Variants in DYNC2H1 observed in about 807,000 individuals in gnomAD.
The protein encoded by DYNC2H1 is dynein cytoplasmic 2 heavy chain 1.
DYNC2H1 carries 410 observed loss-of-function variants against 570.0 expected under a neutral mutation model. That is an observed-to-expected ratio of 0.72 (90% CI 0.66 to 0.78). DYNC2H1 has a LOEUF of 0.78. DYNC2H1 is among the 30% of genes least tolerant of loss of function. DYNC2H1 has a pLI of 0.00. For synonymous variants in DYNC2H1, 1,688 were observed against 1,677.6 expected (o/e 1.01, Z -0.15); for missense variants, 4,865 against 5,046.4 (o/e 0.96, Z 1.09).
intron 47 of DYNC2H1, among the ~76,000 whole-genome samples, chr11:103,194,318 A>G (rs1862432897): frequency 1.3e-5 from 2 of 151,316 alleles, no homozygotes; most frequent in African/African-American, 2.4e-5. Flanking sequence ...CCCTTTATCT[A>G]CTGAAAGACA....
At position 103,439,994 on chromosome 11, in the gene DYNC2H1, G is replaced by C. The variant is rs1040230287; in HGVS notation, c.12456+3962G>C. Among the ~76,000 whole-genome samples the C allele has an allele frequency of 5.9e-5, 9 of 152,002 alleles. No homozygotes were observed. Among genetic ancestry groups the C allele is most frequent in the African/African-American group, 2.2e-4 (9 of 41,382 alleles). ...TACAGCAGTATATTCTGATTCTTCT[G>C]TGATGATCATTCTAAATTCTAGCGT... On this transcript the variant is annotated intron_variant, in intron 85 of 88. Transcript: ENST00000375735. This position sits in a 1 kb window ranked among gnomAD's most constrained non-coding sequence, Gnocchi z 4.1.
At position 103,116,598 on chromosome 11, in the gene DYNC2H1, T is replaced by C; in HGVS notation, c.650T>C (p.Leu217Ser). 1 of 1,608,108 alleles carries C rather than the reference T, an allele frequency of 6.2e-7. No homozygotes were observed. Among genetic ancestry groups the C allele is most frequent in the East Asian group, 2.2e-5 (1 of 44,608 alleles). ...TTTTATAACTTGGACAGTCTATCCT[T>C]ACTAGAAGTTGTTGACTTGGTGGAG... ...REFYNLDSLS[L>S]LEVVDLVETT... The change falls in exon 5 of 89, where the codon TTA (leucine) becomes TCA (serine). Residue 217 changes from leucine (L) to serine (S), a missense_variant. Physicochemically the swap from Leu to Ser is moderately radical, Grantham distance 145. This residue lies in a region of DYNC2H1 where 1,936 missense variants were observed against 1,962.1 expected (regional missense o/e 0.99). Coordinates refer to ENST00000375735, the MANE Select transcript of DYNC2H1 (RefSeq NM_001377.3).
At chr11:103,391,160 A>G (rs549179626) in intron 83 of DYNC2H1, among the ~76,000 whole-genome samples, 1 of 152,048 alleles carries the variant, frequency 6.6e-6, no homozygotes, top group South Asian at 2.1e-4. Flanking sequence ...TGGTCTTTTC[A>G]CATAGTCCCA....
rs2135088528 is a variant in DYNC2H1 at position 103,201,776 on chromosome 11, T to C, written c.8197+1622T>C. On this transcript the variant is annotated intron_variant, in intron 50 of 88. Transcript: ENST00000375735. The surrounding 1 kb of genome is among the most constrained non-coding windows in gnomAD (Gnocchi z 4.8). ...ATTTCTTCCTTTTTTTTGAAGAATT[T>C]ATGAAGTTTGTTAGAATATTTCTAT... Among the ~76,000 whole-genome samples the C allele has an allele frequency of 6.6e-6, 1 of 152,174 alleles. No homozygotes were observed. Among genetic ancestry groups the C allele is most frequent in the East Asian group, 1.9e-4 (1 of 5,198 alleles).
chr11:103,330,812 G>C (rs1219088230), intron 82 of DYNC2H1, among the ~76,000 whole-genome samples: 1 of 152,044 alleles, frequency 6.6e-6, no homozygotes, highest in Non-Finnish European at 1.5e-5. Context: ...GGCACCAGCA[G>C]AGTCAGACAC....
At chr11:103,207,444 A>C (rs1339007009) in intron 52 of DYNC2H1, among the ~76,000 whole-genome samples, 2 of 152,114 alleles carry the variant, frequency 1.3e-5, no homozygotes, top group African/African-American at 4.8e-5. Flanking sequence ...ATTTGTGATA[A>C]CAGGAAAGAA....
intron 20 of DYNC2H1, among the ~76,000 whole-genome samples, 191 bp downstream of exon 20, chr11:103,148,808 C>A (rs1860376938): frequency 6.6e-6 from 1 of 152,014 alleles, no homozygotes; most frequent in Non-Finnish European, 1.5e-5. Flanking sequence ...CCTGTAATCT[C>A]AGTACTTTGG....
intron 37 of DYNC2H1, 83 bp downstream of exon 37, chr11:103,176,517 A>C (rs1186899797): frequency 8.9e-7 from 1 of 1,118,618 alleles, no homozygotes; most frequent in Non-Finnish European, 1.2e-6. Flanking sequence ...TTCATCTTTC[A>C]ACTTATCTTT....
intron 59 of DYNC2H1, among the ~76,000 whole-genome samples, chr11:103,229,182 G>A (rs546642826): frequency 3.3e-5 from 5 of 152,286 alleles, no homozygotes; most frequent in Admixed American, 1.3e-4. Flanking sequence ...GAAAGCAAGC[G>A]GACTTAAGTT....
Position 103,352,203 on chromosome 11 carries a change from C to G in DYNC2H1, c.12040-6040C>G, listed in dbSNP as rs371851040. 2.6e-5 allele frequency among the ~76,000 whole-genome samples: 4 copies of G among 152,046 alleles called. No individual in the cohort carries two copies. The East Asian group carries it at 5.8e-4, about 22-fold the overall frequency. On this transcript the variant is annotated intron_variant, in intron 82 of 88. Transcript: ENST00000375735. Reference sequence around the variant, plus strand: ...TTTATTAGTCTTTTCAGTGAACCAACTTTTGGCTTTTTAAAAACTCTGATC... The same window carrying G: ...TTTATTAGTCTTTTCAGTGAACCAAGTTTTGGCTTTTTAAAAACTCTGATC...
rs377488622 is a variant in DYNC2H1, at chr11:103,278,809, C to T, written c.10696-1539C>T. On this transcript the variant is annotated intron_variant, in intron 70 of 88. Coordinates refer to ENST00000375735, the MANE Select transcript of DYNC2H1 (RefSeq NM_001377.3). Reference sequence around the variant, plus strand: ...CTCGAACTCCTGACCTCAGGTGATCCGCCTGCCTTGGCCTCCCAAATTGCT... The same window carrying T: ...CTCGAACTCCTGACCTCAGGTGATCTGCCTGCCTTGGCCTCCCAAATTGCT... Among the ~76,000 whole-genome samples, 410 of 152,070 alleles carry T rather than the reference C, an allele frequency of 2.7e-3. 2 individuals carry two copies. Among genetic ancestry groups the T allele is most frequent in the African/African-American group, 9.4e-3 (389 of 41,480 alleles).
intron 75 of DYNC2H1, among the ~76,000 whole-genome samples, chr11:103,297,712 A>C (rs1344048776): frequency 6.6e-6 from 1 of 152,136 alleles, no homozygotes; most frequent in Non-Finnish European, 1.5e-5. Flanking sequence ...TATGCAGCTC[A>C]TGTAATTCTT....
intron 82 of DYNC2H1, among the ~76,000 whole-genome samples, chr11:103,350,573 T>C (rs961977153): frequency 3.9e-5 from 6 of 152,206 alleles, no homozygotes; most frequent in Admixed American, 2.0e-4. Flanking sequence ...ATTAGTTGGC[T>C]TGGCCTGCTA....
intron 15 of DYNC2H1, among the ~76,000 whole-genome samples, 167 bp downstream of exon 15, chr11:103,134,586 T>C (rs954880827): frequency 1.3e-5 from 2 of 152,162 alleles, no homozygotes; most frequent in African/African-American, 4.8e-5. Context: ...AGACCACATA[T>C]GAACAATCAA....
chr11:103,322,499 C>T (rs1477933218), intron 81 of DYNC2H1, among the ~76,000 whole-genome samples: 1 of 152,120 alleles, frequency 6.6e-6, no homozygotes. Flanking sequence ...ACAAAGGGTA[C>T]ATTATACTTA....
intron 82 of DYNC2H1, among the ~76,000 whole-genome samples, chr11:103,357,261 G>C (rs1213487939): frequency 6.6e-6 from 1 of 152,010 alleles, no homozygotes. Flanking sequence ...AATTGGTTTT[G>C]ATGAGAATAA....
chr11:103,227,200 C>T (rs572429258), intron 59 of DYNC2H1, among the ~76,000 whole-genome samples: 134 of 150,990 alleles, frequency 8.9e-4, no homozygotes, highest in Admixed American at 1.8e-3. Context: ...CTCTAATCTT[C>T]GTTATTTTTT....
intron 85 of DYNC2H1, 100 bp from the exon 86 acceptor site, chr11:103,455,086 C>A: frequency 2.7e-6 from 2 of 745,308 alleles, no homozygotes; most frequent in Non-Finnish European, 4.3e-6. Context: ...CATTTCAGAG[C>A]ATTTGGAAGC....
chr11:103,311,729 A>G, intron 78 of DYNC2H1, 149 bp from the exon 79 acceptor site: 1 of 664,146 alleles, frequency 1.5e-6, no homozygotes. Context: ...CACTAGTTTT[A>G]TGTACATTTT....
Sources: allele counts gnomAD v4.1 joint callset (sites outside exome capture counted in the v4.1 genomes callset), GRCh38; gene constraint gnomAD v4.1.1; regional missense constraint gnomAD v4.1.1; non-coding constraint Gnocchi (gnomAD v3.1); transcripts MANE v1.5; gene names NCBI Gene and HGNC (gene_info 2026-07-23, HGNC 2026-07-21).